The following REPS2 variants were observed in gnomAD, a reference collection of about 807,000 sequenced individuals.
REPS2 encodes RALBP1 associated Eps domain containing 2, also known as ralBP1-associated Eps domain-containing protein 2.
A neutral mutation model predicts 53.6 loss-of-function variants in REPS2; 23 were observed. The observed-to-expected ratio is 0.43, with a 90% CI of 0.31 to 0.61. The LOEUF is 0.61. Ranked by LOEUF, REPS2 falls within the 20% of genes least tolerant of loss-of-function variation. REPS2 has a pLI of 0.11. For synonymous variants in REPS2, 238 were observed against 218.6 expected, an observed-to-expected ratio of 1.09 and a Z score of -0.78; for missense variants, 446 against 534.9, an observed-to-expected ratio of 0.83 and a Z score of 1.64.
the REPS2 span, among the ~76,000 whole-genome samples, chrX:17,174,873 C>A: frequency 8.9e-6 from 1 of 112,825 alleles, no homozygotes; most frequent in African/African-American, 3.2e-5. Context: ...CAGCTCCCTG[C>A]TGCCTGTCAG....
intron 4 of REPS2, among the ~76,000 whole-genome samples, chrX:17,026,032 A>C (rs770227001): frequency 2.7e-4 from 30 of 112,030 alleles, no homozygotes; most frequent in Non-Finnish European, 5.1e-4. Flanking sequence ...AGAGGGACAC[A>C]GAAATAAAAC....
chrX:16,974,978 G>A (rs750145876), intron 1 of REPS2, among the ~76,000 whole-genome samples: 2 of 111,094 alleles, frequency 1.8e-5, no homozygotes, highest in East Asian at 2.8e-4. Flanking sequence ...TTGGTTTTCC[G>A]TTCCTGCATT....
In REPS2 at chrX:16,966,074, C is replaced by T. The variant is rs763472525; in HGVS notation, c.273+18940C>T. Among the ~76,000 whole-genome samples the T allele has an allele frequency of 2.7e-3, 305 of 112,276 alleles. 1 individual carries two copies. The highest frequency in any genetic ancestry group is 9.4e-3 in the African/African-American group (289 of 30,897). ...AGATGGCAGCAGTACTGTCCAGCTTCGGCTCGGCATCAGAGGGAGACTGTG... is the reference window on the plus strand; with the variant it reads ...AGATGGCAGCAGTACTGTCCAGCTTTGGCTCGGCATCAGAGGGAGACTGTG... On this transcript the variant is annotated intron_variant, in intron 1 of 17. Transcript: ENST00000357277.
the REPS2 span, among the ~76,000 whole-genome samples, chrX:17,177,557 C>T: frequency 9.0e-6 from 1 of 111,536 alleles, no homozygotes; most frequent in Non-Finnish European, 1.9e-5. Flanking sequence ...GGCAAGCTGG[C>T]CCAGATGCCT....
chrX:17,170,883 T>G, the REPS2 span, among the ~76,000 whole-genome samples: 38 of 113,014 alleles, frequency 3.4e-4, no homozygotes, highest in African/African-American at 1.2e-3. Flanking sequence ...GCACTGCCAC[T>G]AGTAACTTTG....
chrX:17,173,776 C>G, the REPS2 span, among the ~76,000 whole-genome samples: 1 of 111,616 alleles, frequency 9.0e-6, no homozygotes, highest in Non-Finnish European at 1.9e-5. Flanking sequence ...ACCCTATTAC[C>G]CTTGTGGTTC....
intron 6 of REPS2, among the ~76,000 whole-genome samples, chrX:17,050,131 T>C (rs2061961787): frequency 1.6e-5 from 1 of 61,540 alleles, no homozygotes; most frequent in African/African-American, 6.2e-5. Flanking sequence ...TCTTTCTTTC[T>C]TCCTTTCTTC....
rs1023513260 is a variant in REPS2 at position 17,121,865 on chromosome X, C to G, written c.1579-11959C>G. ...TCCCGGGTTCAAGTAATTTTCCTGC[C>G]TCAGCCTTCCGAGTAGCTGGGACTA... On this transcript the variant is annotated intron_variant, in intron 14 of 17. Transcript: ENST00000357277. Among the ~76,000 whole-genome samples, 11 of 111,240 alleles carry G rather than the reference C, an allele frequency of 9.9e-5. No individual in the cohort carries two copies. The East Asian group carries it at 1.1e-3, about 11-fold the overall frequency.
At chrX:17,104,429 C>G (rs758195022) in intron 14 of REPS2, among the ~76,000 whole-genome samples, 1 of 112,074 alleles carries the variant, frequency 8.9e-6, no homozygotes, top group African/African-American at 3.2e-5. Context: ...TGCTACAGAT[C>G]TTTCCTTTTG....
At chrX:17,008,931 G>A (rs762192805) in intron 2 of REPS2, among the ~76,000 whole-genome samples, 125 of 111,168 alleles carry the variant, frequency 1.1e-3, no homozygotes, top group African/African-American at 3.4e-3. Flanking sequence ...ATCCTCAGCT[G>A]CACAAGCCAG....
chrX:17,188,480 T>G, the REPS2 span, among the ~76,000 whole-genome samples: 13 of 112,145 alleles, frequency 1.2e-4, no homozygotes, highest in African/African-American at 4.2e-4. Flanking sequence ...TGGTTTTACA[T>G]AGTTTGATGA....
intron 1 of REPS2, among the ~76,000 whole-genome samples, chrX:16,994,574 G>A (rs1420438364): frequency 1.8e-5 from 2 of 111,384 alleles, no homozygotes; most frequent in South Asian, 3.7e-4. Context: ...ATGGAAAACC[G>A]AACGTTGTAT....
At chrX:17,071,894 T>G (rs1211109169) in intron 11 of REPS2, among the ~76,000 whole-genome samples, 1 of 111,832 alleles carries the variant, frequency 8.9e-6, no homozygotes, top group Admixed American at 9.5e-5. Flanking sequence ...TTGCTGAGAG[T>G]GTCTATGTTA....
chrX:17,184,965 G>A, the REPS2 span, among the ~76,000 whole-genome samples: 1 of 111,192 alleles, frequency 9.0e-6, no homozygotes, highest in Non-Finnish European at 1.9e-5. Flanking sequence ...CAGTTTTATT[G>A]TGTAACAGAC....
At chrX:17,175,445 C>A in the REPS2 span, among the ~76,000 whole-genome samples, 1 of 112,580 alleles carries the variant, frequency 8.9e-6, no homozygotes, top group East Asian at 2.8e-4. Context: ...AGAATTCATG[C>A]TTTCACCTGC....
At chrX:17,124,877 G>A (rs1169566633) in intron 14 of REPS2, among the ~76,000 whole-genome samples, 5 of 91,368 alleles carry the variant, frequency 5.5e-5, no homozygotes, top group Non-Finnish European at 1.1e-4. Context: ...TTTTTTTTGA[G>A]ACAGAGTCTT....
intron 2 of REPS2, among the ~76,000 whole-genome samples, chrX:17,017,616 T>A (rs1279067798): frequency 9.0e-6 from 1 of 111,702 alleles, no homozygotes; most frequent in African/African-American, 3.3e-5. Context: ...TACAATTCCC[T>A]ATAAATCATC....
chrX:17,096,032 G>T (rs963704168), intron 13 of REPS2, among the ~76,000 whole-genome samples: 1 of 112,013 alleles, frequency 8.9e-6, no homozygotes. Flanking sequence ...ACATGTATTT[G>T]AACTGCTGTC....
chrX:17,104,278 G>C (rs184022419), intron 14 of REPS2, among the ~76,000 whole-genome samples: 1 of 111,970 alleles, frequency 8.9e-6, no homozygotes, highest in Admixed American at 9.5e-5. Context: ...AGCTGAGATA[G>C]CAGGAGGGGG....
Sources: gnomAD v4.1 joint callset for allele counts (sites outside exome capture counted in the v4.1 genomes callset) on GRCh38, gnomAD v4.1.1 for gene constraint, MANE v1.5 for transcripts, NCBI Gene and HGNC (gene_info 2026-07-23, HGNC 2026-07-21) for gene names.